The following FARP2 variants were observed in gnomAD, a reference collection of about 807,000 sequenced individuals.
The protein encoded by FARP2 is FERM, ARHGEF and pleckstrin domain-containing protein 2.
Under a neutral mutation model 130.5 loss-of-function variants are expected in FARP2, and 111 were observed. The observed-to-expected ratio is 0.85, with a 90% CI of 0.73 to 1.00. The LOEUF is 1.00. FARP2 is among the 50% of genes least tolerant of loss of function. The pLI, the probability that FARP2 is intolerant of heterozygous loss-of-function variation, is 0.00. For synonymous variants in FARP2, 504 were observed against 516.9 expected, an observed-to-expected ratio of 0.98 and a Z score of 0.34; for missense variants, 1,385 against 1,346.3, an observed-to-expected ratio of 1.03 and a Z score of -0.45.
At chr2:241,470,695 G>A (rs145874426) in intron 18 of FARP2, among the ~76,000 whole-genome samples, 26 of 151,578 alleles carry the variant, frequency 1.7e-4, no homozygotes, top group African/African-American at 6.1e-4. Flanking sequence ...TGTTCTGATG[G>A]GGATGCACTC....
chr2:241,388,670 C>CA (rs917925245), intron 2 of FARP2, among the ~76,000 whole-genome samples: 5 of 151,800 alleles, frequency 3.3e-5, no homozygotes, highest in Non-Finnish European at 5.9e-5. Context: ...CCCGTCACTA[C>CA]AAAAAAAATT....
intron 18 of FARP2, among the ~76,000 whole-genome samples, chr2:241,472,189 G>A (rs1343657677): frequency 1.3e-5 from 2 of 148,270 alleles, no homozygotes; most frequent in African/African-American, 5.0e-5. Flanking sequence ...TTCTGAGGGG[G>A]ATGCTGTTCC....
In FARP2 at chr2:241,414,240, T is replaced by TA. The variant is rs139336329; in HGVS notation, c.623+820dup. 7.6e-3 allele frequency among the ~76,000 whole-genome samples: 1,157 copies of TA among 152,176 alleles called. 8 individuals are homozygous for TA. Among genetic ancestry groups the TA allele is most frequent in the Non-Finnish European group, 0.013 (884 of 67,992 alleles). Reference sequence around the variant, plus strand: ...GGTGGGTTTTTCTGGATGGAAGTGATAGAGACCTAGAGAAGGAGTGCTAGC... The same window carrying TA: ...GGTGGGTTTTTCTGGATGGAAGTGATAAGAGACCTAGAGAAGGAGTGCTAGC... On this transcript the variant is annotated intron_variant, in intron 7 of 26. Transcript: ENST00000264042.
intron 8 of FARP2, among the ~76,000 whole-genome samples, chr2:241,422,179 G>A (rs1315136772): frequency 6.7e-6 from 1 of 149,040 alleles, no homozygotes; most frequent in Non-Finnish European, 1.5e-5. Context: ...ACTGTGGGAG[G>A]CTGAAACAAG....
rs765557317 is a variant in FARP2 at position 241,434,982 on chromosome 2, T to G, written c.1052T>G (p.Leu351Arg). 6.3e-7 allele frequency: 1 copy of G among 1,592,022 alleles called. No homozygotes were observed. Among genetic ancestry groups the G allele is most frequent in the Non-Finnish European group, 8.6e-7 (1 of 1,162,586 alleles). The change falls in exon 11 of 27, where the codon CTA becomes CGA. Residue 351 changes from leucine (L) to arginine (R), a missense_variant. Transcript: ENST00000264042. ...CACAGTGGAAGAACTCAGAAACAACTAGTAGATTATTTCAAAGACAGTGGA... is the reference window on the plus strand; with the variant it reads ...CACAGTGGAAGAACTCAGAAACAACGAGTAGATTATTTCAAAGACAGTGGA... ...FRYSGRTQKQ[L>R]VDYFKDSGMK...
chr2:241,403,962 A>G, intron 3 of FARP2, 30 bp downstream of exon 3: 1 of 1,283,326 alleles, frequency 7.8e-7, no homozygotes, highest in Non-Finnish European at 1.1e-6. Context: ...CCAGGCGTGG[A>G]GCCTTTGGGC....
At chr2:241,437,648 A>ATATATATT (rs1553723635) in intron 12 of FARP2, among the ~76,000 whole-genome samples, 31 of 139,552 alleles carry the variant, frequency 2.2e-4, no homozygotes, top group South Asian at 9.1e-4. Flanking sequence ...ACATATATAT[A>ATATATATT]TATTTATTTA....
rs185652014 is a variant in FARP2, at chr2:241,453,052, C to A, written c.1412-3695C>A. Among the ~76,000 whole-genome samples, 9 of 150,574 alleles carry A rather than the reference C, an allele frequency of 6.0e-5. No individual in the cohort carries two copies. The South Asian group carries it at 1.7e-3, about 28-fold the overall frequency. ...AAATAGAAATTATTTATAATAGGGC[C>A]GGAGCGGTGGCTCACACCTGTAATC... is the stretch of plus-strand genomic sequence containing the variant. On this transcript the variant is annotated intron_variant, in intron 13 of 26. Transcript: ENST00000264042.
intron 3 of FARP2, 57 bp downstream of exon 3, chr2:241,403,989 C>T (rs3732276): frequency 0.096 from 84,014 of 875,280 alleles, 4,449 homozygotes; most frequent in Middle Eastern, 0.12. Flanking sequence ...TGATGACAGC[C>T]GCAAGATCTT....
Position 241,491,186 on chromosome 2 carries a change from G to T in FARP2, c.2623+7G>T. On this transcript the variant is annotated splice_region_variant and intron_variant, in intron 23 of 26. Coordinates refer to ENST00000264042, the MANE Select transcript of FARP2 (RefSeq NM_014808.4). ...GTGTGCACTCGTCCCCCCAGTGAGTGCTGGCCACAACCCCCCAGGAGACCT... is the reference window on the plus strand; with the variant it reads ...GTGTGCACTCGTCCCCCCAGTGAGTTCTGGCCACAACCCCCCAGGAGACCT... 7 of 1,598,122 alleles carry T rather than the reference G, an allele frequency of 4.4e-6. No homozygotes were observed. The highest frequency in any genetic ancestry group is 6.0e-6 in the Non-Finnish European group (7 of 1,166,216).
chr2:241,366,122 C>CAA (rs2061307447), intron 1 of FARP2, among the ~76,000 whole-genome samples: 1 of 63,726 alleles, frequency 1.6e-5, no homozygotes, highest in Non-Finnish European at 3.2e-5. Context: ...TATATATATA[C>CAA]GTATATATAT....
At chr2:241,457,122 A>G (rs1008633751) in intron 14 of FARP2, among the ~76,000 whole-genome samples, 200 bp downstream of exon 14, 2 of 152,146 alleles carry the variant, frequency 1.3e-5, no homozygotes, top group Admixed American at 6.5e-5. Context: ...CTTTCCTCTT[A>G]TCTCTGGGAC....
chr2:241,428,011 C>A lies in FARP2; in HGVS notation c.772-3668C>A, dbSNP rs182276595. Among the ~76,000 whole-genome samples the A allele has an allele frequency of 5.3e-3, 800 of 152,196 alleles. 12 individuals are homozygous for A. The highest frequency in any genetic ancestry group is 0.018 in the African/African-American group (743 of 41,518). On this transcript the variant is annotated intron_variant, in intron 8 of 26. Coordinates refer to ENST00000264042, the MANE Select transcript of FARP2 (RefSeq NM_014808.4). ...TCGATCTCCTGACCTCGTGATCCGCCCGCCTTGGCCTCCCAAAGTGCTGGG... is the reference window on the plus strand; with the variant it reads ...TCGATCTCCTGACCTCGTGATCCGCACGCCTTGGCCTCCCAAAGTGCTGGG...
At chr2:241,493,475 T>G (rs369306453) in intron 26 of FARP2, 31 bp downstream of exon 26, 6 of 1,608,784 alleles carry the variant, frequency 3.7e-6, no homozygotes, top group Non-Finnish European at 5.1e-6. Context: ...CCTGGTCAGC[T>G]GCCCATTTCG....
Position 241,494,313 on chromosome 2 carries a change from G to A in FARP2, c.*188G>A, listed in dbSNP as rs2065044943. 2 of 403,138 alleles carry A rather than the reference G, an allele frequency of 5.0e-6. No individual in the cohort carries two copies. Among genetic ancestry groups the A allele is most frequent in the Non-Finnish European group, 9.0e-6 (2 of 221,260 alleles). 25.0% of individuals were successfully genotyped at this position (403,138 alleles called of 1,614,324 possible). ...TTCATCCCCCCACCCAGGACCTAGT[G>A]CATGCCAGCAGCTATCTGGGGCCCT... On this transcript the variant is annotated 3_prime_UTR_variant, in exon 27 of 27. Coordinates refer to ENST00000264042, the MANE Select transcript of FARP2 (RefSeq NM_014808.4). This position sits in a 1 kb window ranked among gnomAD's most constrained non-coding sequence, Gnocchi z 4.9.
chr2:241,485,167 G>C (rs1251618366), intron 21 of FARP2, among the ~76,000 whole-genome samples: 1 of 151,254 alleles, frequency 6.6e-6, no homozygotes, highest in Admixed American at 6.6e-5. Context: ...CCCTCCCTGG[G>C]GTCCTCCCTC....
chr2:241,427,378 GC>G, intron 8 of FARP2, among the ~76,000 whole-genome samples: 1 of 152,114 alleles, frequency 6.6e-6, no homozygotes, highest in Non-Finnish European at 1.5e-5. Flanking sequence ...TATACAGGAA[GC>G]CCAGCGTGGT....
chr2:241,471,028 A>G (rs1487852318), intron 18 of FARP2, among the ~76,000 whole-genome samples: 1 of 150,180 alleles, frequency 6.7e-6, no homozygotes, highest in Non-Finnish European at 1.5e-5. Context: ...TAAGTGGGGA[A>G]TAGTGTCATG....
intron 19 of FARP2, chr2:241,478,335 C>T (rs2064526265): frequency 5.6e-6 from 1 of 177,072 alleles, no homozygotes; most frequent in African/African-American, 2.4e-5. Context: ...CTGCCACCTG[C>T]CTGGGGCAGC....
Sources: allele counts gnomAD v4.1 joint callset (sites outside exome capture counted in the v4.1 genomes callset), GRCh38; gene constraint gnomAD v4.1.1; non-coding constraint Gnocchi (gnomAD v3.1); transcripts MANE v1.5; gene names NCBI Gene and HGNC (gene_info 2026-07-23, HGNC 2026-07-21).